Variants in HBM observed in about 807,000 individuals in gnomAD.
HBM encodes the protein alpha globin pseudogene 2.
In HBM, 9 loss-of-function variants were observed where a neutral mutation model predicts 12.8. The observed-to-expected ratio is 0.70, with a 90% CI of 0.42 to 1.23. The LOEUF is 1.23. HBM is among the 50% of genes most tolerant of loss of function. HBM has a pLI of 0.00. For missense variants in HBM, 214 were observed against 195.4 expected (o/e 1.10, Z -0.57); for synonymous variants, 100 against 92.0 (o/e 1.09, Z -0.50).
At chr16:166,145 C>A (rs1443207404) in intron 1 of HBM, 56 bp downstream of exon 1, 1 of 1,487,170 alleles carries the variant, frequency 6.7e-7, no homozygotes, top group Non-Finnish European at 9.2e-7. Flanking sequence ...GGGTTTTGGG[C>A]GCGTGGGCCG....
At position 166,761 on chromosome 16, in the gene HBM, A is replaced by C. The variant is rs1274563004; in HGVS notation, c.*53A>C. On this transcript the variant is annotated 3_prime_UTR_variant, in exon 3 of 3. Coordinates refer to ENST00000356815, the MANE Select transcript of HBM (RefSeq NM_001003938.4). Reference sequence around the variant, plus strand: ...TGCCTGTCAATAAACAGAGGCCCGAACCATCTGCCCCTGCCTGTGTGGTCT... The same window carrying C: ...TGCCTGTCAATAAACAGAGGCCCGACCCATCTGCCCCTGCCTGTGTGGTCT... 3.1e-6 allele frequency: 5 copies of C among 1,599,360 alleles called. No individual in the cohort carries two copies. The highest frequency in any genetic ancestry group is 1.3e-5 in the African/African-American group (1 of 74,446).
rs764312165 is a variant in HBM at position 166,384 on chromosome 16, T to G, written c.209T>G (p.Val70Gly). The stretch of plus-strand genomic sequence containing the variant: ...ATGCTGGCGGCTGTGGGCGCGGCGG[T>G]GCAGCACGTGGACAACCTGCGCGCC... The part of the protein sequence containing the change: ...QRMLAAVGAA[V>G]QHVDNLRAAL... Residue 70 changes from valine (V) to glycine (G), a missense_variant, in exon 2 of 3, where the codon GTG (valine) becomes GGG (glycine). By Grantham distance (109) the Val-to-Gly change is moderately radical. Transcript: ENST00000356815. 1.9e-6 allele frequency: 3 copies of G among 1,574,096 alleles called. No homozygotes were observed. Among genetic ancestry groups the G allele is most frequent in the Non-Finnish European group, 2.6e-6 (3 of 1,168,468 alleles).
At position 166,024 on chromosome 16, in the gene HBM, A is replaced by T. The variant is rs775129335; in HGVS notation, c.27A>T (p.Gln9His). The change falls in exon 1 of 3, where the codon CAA (glutamine) becomes CAT (histidine). Residue 9 changes from glutamine (Q) to histidine (H), a missense_variant. Coordinates refer to ENST00000356815, the MANE Select transcript of HBM (RefSeq NM_001003938.4). MLSAQERA[Q>H]IAQVWDLIAG... ...TGCTCAGCGCCCAGGAGCGCGCCCA[A>T]ATCGCGCAGGTCTGGGACCTGATTG... The T allele has an allele frequency of 6.3e-7, 1 of 1,596,636 alleles. No homozygotes were observed. The highest frequency in any genetic ancestry group is 1.3e-5 in the African/African-American group (1 of 74,864).
Position 166,555 on chromosome 16 carries a change from G to C in HBM, c.298-25G>C. 6 of 1,609,186 alleles carry C rather than the reference G, an allele frequency of 3.7e-6. No homozygotes were observed. In the South Asian group the frequency reaches 4.4e-5, roughly 12 times the overall value. On this transcript the variant is annotated intron_variant, in intron 2 of 2. Coordinates refer to ENST00000356815, the MANE Select transcript of HBM (RefSeq NM_001003938.4). Reference sequence around the variant, plus strand: ...GGGGGTCCCTAGCGGGGCAGACCCCGTCTCACCGGCCCCTTCTCCTGCAGC... The same window carrying C: ...GGGGGTCCCTAGCGGGGCAGACCCCCTCTCACCGGCCCCTTCTCCTGCAGC...
At position 166,327 on chromosome 16, in the gene HBM, AC is replaced by A; in HGVS notation, c.153del (p.Asp51GlufsTer6). ...TTCCCGCACCTGAGCGCCTGCCAGG[AC>A]GCGACGCAGCTGCTGAGCCACGGGC... ...VYFPHLSACQ[D>X]ATQLLSHGQR... On this transcript the variant is annotated frameshift_variant, in exon 2 of 3. Coordinates refer to ENST00000356815, the MANE Select transcript of HBM (RefSeq NM_001003938.4). LOFTEE classifies it high-confidence loss of function. The A allele has an allele frequency of 6.3e-7, 1 of 1,595,264 alleles. No individual in the cohort carries two copies. The highest frequency in any genetic ancestry group is 1.1e-5 in the South Asian group (1 of 90,596).
In HBM at chr16:166,651, G is replaced by A. The variant is rs1901919600; in HGVS notation, c.369G>A (p.Ala123=). ...LQDEFTVQMQ[A]AWDKFLTGVA... ...ACGAGTTCACCGTGCAAATGCAAGCGGCGTGGGACAAGTTCCTGACTGGTG... is the reference window on the plus strand; with the variant it reads ...ACGAGTTCACCGTGCAAATGCAAGCAGCGTGGGACAAGTTCCTGACTGGTG... Residue 123 remains alanine, a synonymous_variant, in exon 3 of 3, where the codon GCG becomes GCA. Transcript: ENST00000356815. 2 of 1,614,058 alleles carry A rather than the reference G, an allele frequency of 1.2e-6. No homozygotes were observed. The highest frequency in any genetic ancestry group is 1.7e-5 in the Admixed American group (1 of 60,006).
intron 1 of HBM, 63 bp from the exon 2 acceptor site, chr16:166,205 T>G (rs2142014070): frequency 9.4e-6 from 14 of 1,486,778 alleles, no homozygotes; most frequent in Non-Finnish European, 1.3e-5. Flanking sequence ...CTCTGGGCGG[T>G]GTGGGCGCTA....
rs769891546 is a variant in HBM at position 166,749 on chromosome 16, A to G, written c.*41A>G. The G allele has an allele frequency of 2.1e-5, 33 of 1,608,792 alleles. No homozygotes were observed. The highest frequency in any genetic ancestry group is 2.7e-5 in the African/African-American group (2 of 74,754). On this transcript the variant is annotated 3_prime_UTR_variant, in exon 3 of 3. Coordinates refer to ENST00000356815, the MANE Select transcript of HBM (RefSeq NM_001003938.4). The stretch of plus-strand genomic sequence containing the variant: ...GGCCTTGGTCTGTGCCTGTCAATAA[A>G]CAGAGGCCCGAACCATCTGCCCCTG...
Position 165,982 on chromosome 16 carries a change from C to T in HBM, c.-16C>T. ...AGGGCGGCGGGCGCGGCCCCCAGAG[C>T]ACGTCAGGCGGCGCCATGCTCAGCG... On this transcript the variant is annotated 5_prime_UTR_variant, in exon 1 of 3. Transcript: ENST00000356815. The T allele has an allele frequency of 6.4e-7, 1 of 1,559,744 alleles. No homozygotes were observed. The highest frequency in any genetic ancestry group is 1.2e-5 in the South Asian group (1 of 86,746).
chr16:166,047 T>C lies in HBM; in HGVS notation c.50T>C (p.Ile17Thr), dbSNP rs767265419. 4.4e-6 allele frequency: 7 copies of C among 1,602,352 alleles called. No individual in the cohort carries two copies. The highest frequency in any genetic ancestry group is 1.7e-4 in the Middle Eastern group (1 of 6,052). Residue 17 changes from isoleucine to threonine, a missense_variant, in exon 1 of 3, where the codon ATT (isoleucine) becomes ACT (threonine). Physicochemically the swap from Ile to Thr is moderately conservative, Grantham distance 89 (BLOSUM62 -1). Transcript: ENST00000356815. Reference protein sequence around the residue: ...RAQIAQVWDLIAGHEAQFGAE... With the variant: ...RAQIAQVWDLTAGHEAQFGAE... ...CAAATCGCGCAGGTCTGGGACCTGA[T>C]TGCGGGCCACGAGGCGCAATTCGGG...
intron 1 of HBM, 69 bp from the exon 2 acceptor site, chr16:166,199 G>C (rs1901907626): frequency 1.4e-6 from 2 of 1,474,952 alleles, no homozygotes; most frequent in African/African-American, 2.8e-5. Flanking sequence ...CCCGGGCTCT[G>C]GGCGGTGTGG....
chr16:165,981 G>A lies in HBM; in HGVS notation c.-17G>A, dbSNP rs772399689. 16 of 1,559,182 alleles carry A rather than the reference G, an allele frequency of 1.0e-5. No homozygotes were observed. The Middle Eastern group carries it at 5.7e-4, about 55-fold the overall frequency. On this transcript the variant is annotated 5_prime_UTR_variant, in exon 1 of 3. Transcript: ENST00000356815. ...CAGGGCGGCGGGCGCGGCCCCCAGA[G>A]CACGTCAGGCGGCGCCATGCTCAGC...
At position 166,398 on chromosome 16, in the gene HBM, A is replaced by T; in HGVS notation, c.223A>T (p.Asn75Tyr). 1 of 1,566,392 alleles carries T rather than the reference A, an allele frequency of 6.4e-7. No homozygotes were observed. The highest frequency in any genetic ancestry group is 8.6e-7 in the Non-Finnish European group (1 of 1,164,022). The change falls in exon 2 of 3, where the codon AAC (asparagine) becomes TAC (tyrosine). Residue 75 changes from asparagine to tyrosine, a missense_variant. Coordinates refer to ENST00000356815, the MANE Select transcript of HBM (RefSeq NM_001003938.4). ...GGGCGCGGCGGTGCAGCACGTGGAC[A>T]ACCTGCGCGCCGCGCTGAGCCCGCT... ...AVGAAVQHVD[N>Y]LRAALSPLAD...
Position 166,615 on chromosome 16 carries a change from C to T in HBM, c.333C>T (p.Ser111=). The change falls in exon 3 of 3, where the codon TCC becomes TCT. Residue 111 remains serine (S), a synonymous_variant. Transcript: ENST00000356815. ...LIQCFHVVLA[S]HLQDEFTVQM... ...AGTGTTTCCACGTCGTGCTGGCCTC[C>T]CACCTGCAGGACGAGTTCACCGTGC... 6.2e-7 allele frequency: 1 copy of T among 1,614,032 alleles called. No individual in the cohort carries two copies.
In HBM at chr16:166,406, C is replaced by T. The variant is rs1207380452; in HGVS notation, c.231C>T (p.Arg77=). The T allele has an allele frequency of 6.4e-7, 1 of 1,561,610 alleles. No individual in the cohort carries two copies. Among genetic ancestry groups the T allele is most frequent in the African/African-American group, 1.4e-5 (1 of 74,014 alleles). ...GAAVQHVDNL[R]AALSPLADLH... ...CGGTGCAGCACGTGGACAACCTGCG[C>T]GCCGCGCTGAGCCCGCTGGCGGACC... Residue 77 remains arginine (R), a synonymous_variant, in exon 2 of 3, where the codon CGC becomes CGT. Transcript: ENST00000356815.
Position 166,409 on chromosome 16 carries a change from C to T in HBM, c.234C>T (p.Ala78=), listed in dbSNP as rs750593544. 3 of 1,559,278 alleles carry T rather than the reference C, an allele frequency of 1.9e-6. No individual in the cohort carries two copies. Among genetic ancestry groups the T allele is most frequent in the Admixed American group, 1.9e-5 (1 of 53,786 alleles). The change falls in exon 2 of 3, where the codon GCC becomes GCT. Residue 78 remains alanine (A), a synonymous_variant. Transcript: ENST00000356815. ...TGCAGCACGTGGACAACCTGCGCGC[C>T]GCGCTGAGCCCGCTGGCGGACCTGC... The part of the protein sequence containing the change: ...AAVQHVDNLR[A]ALSPLADLHA...
At chr16:166,113 G>C in intron 1 of HBM, 24 bp downstream of exon 1, 2 of 1,568,434 alleles carry the variant, frequency 1.3e-6, no homozygotes, top group Non-Finnish European at 1.7e-6. Context: ...GGGTCTCCGG[G>C]AGCTCAGGGA....
rs745625020 is a variant in HBM at position 166,479 on chromosome 16, C to G, written c.297+7C>G. Reference sequence around the variant, plus strand: ...GGACCCAGCCAACTTTCCGGTGAGGCCTTTCCGGCCGGGGCAATGGTGCAG... The same window carrying G: ...GGACCCAGCCAACTTTCCGGTGAGGGCTTTCCGGCCGGGGCAATGGTGCAG... On this transcript the variant is annotated splice_region_variant and intron_variant, in intron 2 of 2. Transcript: ENST00000356815. 6.4e-6 allele frequency: 10 copies of G among 1,553,054 alleles called. No individual in the cohort carries two copies. The South Asian group carries it at 1.1e-4, about 16-fold the overall frequency.
Position 166,291 on chromosome 16 carries a change from C to T in HBM, c.116C>T (p.Thr39Ile). The T allele has an allele frequency of 6.3e-7, 1 of 1,595,808 alleles. No homozygotes were observed. Among genetic ancestry groups the T allele is most frequent in the Non-Finnish European group, 8.5e-7 (1 of 1,178,806 alleles). ...AGGCTCTTCACGGTGTACCCCAGCA[C>T]CAAGGTCTACTTCCCGCACCTGAGC... ...LLRLFTVYPS[T>I]KVYFPHLSAC... The change falls in exon 2 of 3, where the codon ACC becomes ATC. Residue 39 changes from threonine to isoleucine, a missense_variant. By Grantham distance (89) the Thr-to-Ile change is moderately conservative (BLOSUM62 -1). Coordinates refer to ENST00000356815, the MANE Select transcript of HBM (RefSeq NM_001003938.4).
Sources: gnomAD v4.1 joint callset for allele counts on GRCh38, gnomAD v4.1.1 for gene constraint, MANE v1.5 for transcripts, NCBI Gene and HGNC (gene_info 2026-07-23, HGNC 2026-07-21) for gene names.